The following XKR3 variants were observed in gnomAD, a reference collection of about 807,000 sequenced individuals.
XKR3 encodes XK related 3, also known as XK-related protein 3.
In XKR3, 27 loss-of-function variants were observed where a neutral mutation model predicts 40.3. The ratio of observed to expected loss-of-function variants is 0.67; its 90% CI spans 0.49 to 0.92. The LOEUF is 0.92. XKR3 is among the 40% of genes least tolerant of loss of function. The pLI, the probability that XKR3 is intolerant of heterozygous loss-of-function variation, is 0.00. For synonymous variants in XKR3, 193 were observed against 195.4 expected (o/e 0.99, Z 0.10); for missense variants, 472 against 537.6 (o/e 0.88, Z 1.21).
intron 3 of XKR3, among the ~76,000 whole-genome samples, chr22:16,790,704 T>C (rs1381391732): frequency 3.3e-5 from 5 of 151,974 alleles, no homozygotes. Context: ...AAAACTAAAA[T>C]AGAAGTTAAA....
chr22:16,823,879 T>C (rs1460955403), intron 1 of XKR3, among the ~76,000 whole-genome samples: 1 of 152,018 alleles, frequency 6.6e-6, no homozygotes, highest in African/African-American at 2.4e-5. Flanking sequence ...GAGAGATTCT[T>C]GATGTAACAA....
chr22:16,785,826 C>T (rs1282795074), intron 3 of XKR3, among the ~76,000 whole-genome samples: 3 of 152,064 alleles, frequency 2.0e-5, no homozygotes, highest in South Asian at 4.2e-4. Context: ...CCAGCCTGGG[C>T]GACAGAGCGA....
In XKR3 at chr22:16,785,005, TA is replaced by T. The variant is rs1301370808; in HGVS notation, c.590-597del. Among the ~76,000 whole-genome samples, 10 of 152,048 alleles carry T rather than the reference TA, an allele frequency of 6.6e-5. No individual in the cohort carries two copies. In the East Asian group the frequency reaches 1.5e-3, roughly 24 times the overall value. On this transcript the variant is annotated intron_variant, in intron 3 of 3. Transcript: ENST00000684488. Reference sequence around the variant, plus strand: ...AAGGTACTAGAGAAGCAGAAAAAAATAAAAAGCTACAGAAATTAAGAAGTAT... The same window carrying T: ...AAGGTACTAGAGAAGCAGAAAAAAATAAAAGCTACAGAAATTAAGAAGTAT...
chr22:16,820,002 A>G (rs2060249110), intron 1 of XKR3, among the ~76,000 whole-genome samples: 1 of 152,198 alleles, frequency 6.6e-6, no homozygotes, highest in Admixed American at 6.5e-5. Flanking sequence ...CATCTATTAA[A>G]ACACCTACAA....
chr22:16,784,508 C>A (rs2060081858), intron 3 of XKR3, 99 bp from the exon 4 acceptor site: 2 of 1,091,266 alleles, frequency 1.8e-6, no homozygotes, highest in Admixed American at 3.0e-5. Flanking sequence ...TCTTCCTCAC[C>A]CACCTCCTTT....
rs1158923498 is a variant in XKR3 at position 16,823,911 on chromosome 22, C to T, written c.-11+1380G>A. On this transcript the variant is annotated intron_variant, in intron 1 of 3. Transcript: ENST00000684488. ...ACAACAGGTCCAGGTGATGATAATT[C>T]AAGGCTGCTGAAACAAGTGAATGAA... Among the ~76,000 whole-genome samples the T allele has an allele frequency of 2.0e-5, 3 of 151,690 alleles. No individual in the cohort carries two copies. The East Asian group carries it at 5.8e-4, about 29-fold the overall frequency.
chr22:16,805,190 A>T (rs1300169890), intron 2 of XKR3, among the ~76,000 whole-genome samples: 5 of 152,196 alleles, frequency 3.3e-5, no homozygotes, highest in Non-Finnish European at 4.4e-5. Flanking sequence ...AATCTGGAGG[A>T]ATCCACACAA....
intron 2 of XKR3, among the ~76,000 whole-genome samples, chr22:16,804,407 G>GT (rs375391924): frequency 7.8e-4 from 119 of 151,938 alleles, no homozygotes; most frequent in Admixed American, 1.4e-3. Context: ...CCCAAAACAT[G>GT]TTTTTTTTCC....
intron 3 of XKR3, among the ~76,000 whole-genome samples, chr22:16,791,198 C>T (rs1473465170): frequency 6.6e-6 from 1 of 151,338 alleles, no homozygotes; most frequent in East Asian, 1.9e-4. Context: ...TACATATACA[C>T]AATGGAAGAG....
chr22:16,798,212 C>T (rs964276257), intron 3 of XKR3, among the ~76,000 whole-genome samples: 5 of 151,714 alleles, frequency 3.3e-5, no homozygotes, highest in African/African-American at 1.2e-4. Flanking sequence ...ACAAAAACCC[C>T]CACAATTTCA....
At chr22:16,784,693 C>G (rs1250433151) in intron 3 of XKR3, among the ~76,000 whole-genome samples, 3 of 151,954 alleles carry the variant, frequency 2.0e-5, no homozygotes, top group Non-Finnish European at 2.9e-5. Context: ...AAGACTGGCA[C>G]AGATAAAATG....
At chr22:16,819,036 C>G (rs2146180449) in intron 1 of XKR3, among the ~76,000 whole-genome samples, 1 of 152,090 alleles carries the variant, frequency 6.6e-6, no homozygotes, top group Admixed American at 6.6e-5. Context: ...ACAGAATCAT[C>G]CACAACTGCT....
At chr22:16,808,772 C>T (rs901595577) in intron 1 of XKR3, among the ~76,000 whole-genome samples, 16 of 152,156 alleles carry the variant, frequency 1.1e-4, no homozygotes, top group African/African-American at 3.9e-4. Flanking sequence ...AAATTACTGA[C>T]ATACTGTGAA....
At chr22:16,795,272 C>T (rs2060135758) in intron 3 of XKR3, among the ~76,000 whole-genome samples, 1 of 152,056 alleles carries the variant, frequency 6.6e-6, no homozygotes, top group South Asian at 2.1e-4. Flanking sequence ...TACAAAAATA[C>T]AGGGAAATCA....
At chr22:16,795,279 A>C (rs1278874709) in intron 3 of XKR3, among the ~76,000 whole-genome samples, 8 of 152,264 alleles carry the variant, frequency 5.3e-5, no homozygotes, top group Middle Eastern at 3.2e-3. Flanking sequence ...ATACAGGGAA[A>C]TCAAACAACT....
intron 2 of XKR3, 80 bp from the exon 3 acceptor site, chr22:16,800,104 G>A (rs1008620554): frequency 6.7e-7 from 1 of 1,493,782 alleles, no homozygotes; most frequent in African/African-American, 1.4e-5. Context: ...TATCAGGAGA[G>A]GAACTCTTAA....
chr22:16,802,315 C>T (rs2060172530), intron 2 of XKR3, among the ~76,000 whole-genome samples: 1 of 151,946 alleles, frequency 6.6e-6, no homozygotes, highest in African/African-American at 2.4e-5. Context: ...AGAATTTTAT[C>T]AGGGTTTGGG....
intron 3 of XKR3, among the ~76,000 whole-genome samples, chr22:16,784,706 A>G (rs2060082729): frequency 6.6e-6 from 1 of 152,248 alleles, no homozygotes. Context: ...ATAAAATGGA[A>G]GAGACACATT....
intron 1 of XKR3, among the ~76,000 whole-genome samples, chr22:16,809,203 A>G (rs1347676981): frequency 6.6e-6 from 1 of 152,156 alleles, no homozygotes; most frequent in Non-Finnish European, 1.5e-5. Flanking sequence ...AAATTCCTCA[A>G]CTTCTTTTGT....
Sources: allele counts gnomAD v4.1 joint callset (sites outside exome capture counted in the v4.1 genomes callset), GRCh38; gene constraint gnomAD v4.1.1; transcripts MANE v1.5; gene names NCBI Gene and HGNC (gene_info 2026-07-23, HGNC 2026-07-21).